The following ZEB1 variants were observed in gnomAD, a reference collection of about 807,000 sequenced individuals.
ZEB1 encodes zinc finger E-box binding homeobox 1.
In ZEB1, 21 loss-of-function variants were observed where a neutral mutation model predicts 84.9. The observed-to-expected ratio is 0.25, with a 90% confidence interval of 0.18 to 0.36. The LOEUF (loss-of-function observed/expected upper bound fraction) is 0.36. Ranked by LOEUF, ZEB1 falls within the 10% of genes least tolerant of loss-of-function variation. The pLI, the probability that ZEB1 is intolerant of heterozygous loss-of-function variation, is 1.00. For synonymous variants in ZEB1, 420 were observed against 471.1 expected, an observed-to-expected ratio of 0.89 and a Z score of 1.41; for missense variants, 1,104 against 1,330.2, an observed-to-expected ratio of 0.83 and a Z score of 2.65.
At chr10:31,383,593 G>T (rs1175269442) in intron 1 of ZEB1, among the ~76,000 whole-genome samples, 1 of 152,106 alleles carries the variant, frequency 6.6e-6, no homozygotes, top group African/African-American at 2.4e-5. Context: ...TAACACTTCA[G>T]CATTGTACTG....
chr10:31,341,862 G>A (rs933204530), intron 1 of ZEB1, among the ~76,000 whole-genome samples: 4 of 152,144 alleles, frequency 2.6e-5, no homozygotes, highest in African/African-American at 9.7e-5. Flanking sequence ...AATCTATATC[G>A]TTGTGATTTC....
chr10:31,434,648 T>A (rs1175308189), intron 1 of ZEB1, among the ~76,000 whole-genome samples: 1 of 152,112 alleles, frequency 6.6e-6, no homozygotes, highest in Non-Finnish European at 1.5e-5. Context: ...TAACACTTAA[T>A]CCTTTACTGA....
intron 2 of ZEB1, among the ~76,000 whole-genome samples, chr10:31,479,995 G>A (rs186270418): frequency 2.0e-5 from 3 of 152,040 alleles, no homozygotes; most frequent in Admixed American, 2.0e-4. Flanking sequence ...GCTTGTGTCA[G>A]TTAAACTTTT....
intron 2 of ZEB1, among the ~76,000 whole-genome samples, chr10:31,467,550 T>C (rs1312019826): frequency 6.6e-6 from 1 of 152,128 alleles, no homozygotes; most frequent in Non-Finnish European, 1.5e-5. Flanking sequence ...TAGCCTCCAT[T>C]GCCCCACCTG....
At chr10:31,423,055 CAT>C (rs1319039363) in intron 1 of ZEB1, among the ~76,000 whole-genome samples, 5 of 151,650 alleles carry the variant, frequency 3.3e-5, no homozygotes, top group Admixed American at 2.6e-4. Context: ...TATATATATA[CAT>C]GTATATATAT....
intron 1 of ZEB1, among the ~76,000 whole-genome samples, chr10:31,431,229 C>G (rs1009637658): frequency 1.3e-5 from 2 of 152,186 alleles, no homozygotes; most frequent in African/African-American, 4.8e-5. Context: ...CAGAAAAGTG[C>G]CTGACCAGAA....
chr10:31,413,325 G>C (rs2054632845), intron 1 of ZEB1, among the ~76,000 whole-genome samples: 1 of 152,174 alleles, frequency 6.6e-6, no homozygotes. Context: ...GTATCTGCCA[G>C]AATAGTCTAG....
At chr10:31,365,639 A>G (rs959876643) in intron 1 of ZEB1, among the ~76,000 whole-genome samples, 3 of 152,210 alleles carry the variant, frequency 2.0e-5, no homozygotes, top group East Asian at 1.9e-4. Flanking sequence ...GAAGAAAAGC[A>G]TGGCCTCTAT....
At chr10:31,354,274 G>T (rs2041774930) in intron 1 of ZEB1, among the ~76,000 whole-genome samples, 1 of 152,034 alleles carries the variant, frequency 6.6e-6, no homozygotes, top group South Asian at 2.1e-4. Context: ...TTTATATAAA[G>T]CACTTTTTTT....
chr10:31,471,937 T>C (rs1305305104), intron 2 of ZEB1, among the ~76,000 whole-genome samples: 2 of 139,622 alleles, frequency 1.4e-5, no homozygotes, highest in Non-Finnish European at 3.0e-5. Flanking sequence ...ACATGGAAAC[T>C]GAACAACCTG....
At chr10:31,370,406 C>T (rs1213431387) in intron 1 of ZEB1, among the ~76,000 whole-genome samples, 1 of 151,920 alleles carries the variant, frequency 6.6e-6, no homozygotes, top group Non-Finnish European at 1.5e-5. Context: ...GTCAGGAGAT[C>T]GAAAAATAGA....
intron 1 of ZEB1, among the ~76,000 whole-genome samples, chr10:31,452,384 A>G (rs1230398325): frequency 2.0e-5 from 3 of 152,148 alleles, no homozygotes; most frequent in Non-Finnish European, 4.4e-5. Context: ...CAAAAGTCAG[A>G]TTAACAAAAA....
intron 1 of ZEB1, among the ~76,000 whole-genome samples, chr10:31,452,198 A>C (rs2060641065): frequency 6.6e-6 from 1 of 152,160 alleles, no homozygotes; most frequent in African/African-American, 2.4e-5. Flanking sequence ...TAACATGTTC[A>C]TGGTACTTGG....
At chr10:31,367,816 T>C (rs2044827695) in intron 1 of ZEB1, among the ~76,000 whole-genome samples, 1 of 152,180 alleles carries the variant, frequency 6.6e-6, no homozygotes, top group Non-Finnish European at 1.5e-5. Flanking sequence ...AGATACTTGC[T>C]CTTGCTTTTA....
At chr10:31,370,481 G>A (rs201376838) in intron 1 of ZEB1, among the ~76,000 whole-genome samples, 2 of 152,068 alleles carry the variant, frequency 1.3e-5, no homozygotes, top group East Asian at 1.9e-4. Context: ...AAAATTTTAC[G>A]TATTTTTAAA....
chr10:31,395,400 T>G (rs1052456582), intron 1 of ZEB1, among the ~76,000 whole-genome samples: 1 of 152,220 alleles, frequency 6.6e-6, no homozygotes, highest in Non-Finnish European at 1.5e-5. Flanking sequence ...GTATATGATA[T>G]GAAAGGCATT....
chr10:31,395,886 T>TA (rs2050623060), intron 1 of ZEB1, among the ~76,000 whole-genome samples: 4 of 152,136 alleles, frequency 2.6e-5, no homozygotes, highest in Non-Finnish European at 5.9e-5. Flanking sequence ...AGTGCTATAT[T>TA]TAGACCACAA....
chr10:31,454,684 C>T (rs147049954), intron 1 of ZEB1, among the ~76,000 whole-genome samples: 2,388 of 152,110 alleles, frequency 0.016, 61 homozygotes, highest in African/African-American at 0.054. Flanking sequence ...GAATAAAGTA[C>T]CTAGGAATAC....
intron 1 of ZEB1, among the ~76,000 whole-genome samples, chr10:31,335,986 A>T (rs2037945609): frequency 6.6e-6 from 1 of 152,170 alleles, no homozygotes; most frequent in Admixed American, 6.5e-5. Flanking sequence ...TCATAAAAGT[A>T]TAAAACACTG....
Sources: allele counts gnomAD v4.1 joint callset (sites outside exome capture counted in the v4.1 genomes callset), GRCh38; gene constraint gnomAD v4.1.1; transcripts MANE v1.5; gene names NCBI Gene and HGNC (gene_info 2026-07-23, HGNC 2026-07-21).